AGAP3: variants seen among roughly 807,000 people sequenced by gnomAD.
AGAP3 encodes arf-GAP with GTPase, ANK repeat and PH domain-containing protein 3.
A neutral mutation model predicts 96.9 loss-of-function variants in AGAP3; 24 were observed. The ratio of observed to expected loss-of-function variants is 0.25; its 90% CI spans 0.18 to 0.35. AGAP3 has a LOEUF of 0.35. AGAP3 is among the 10% of genes least tolerant of loss of function. AGAP3 has a pLI of 1.00. For synonymous variants in AGAP3, 563 were observed against 536.1 expected, an observed-to-expected ratio of 1.05 and a Z score of -0.69; for missense variants, 876 against 1,254.2, an observed-to-expected ratio of 0.70 and a Z score of 4.55.
At chr7:151,102,847 C>G (rs1798889569) in intron 1 of AGAP3, among the ~76,000 whole-genome samples, 1 of 152,170 alleles carries the variant, frequency 6.6e-6, no homozygotes, top group Non-Finnish European at 1.5e-5. Flanking sequence ...AACTCCTGGG[C>G]TCAAGCAATC....
chr7:151,123,886 G>C lies in AGAP3; in HGVS notation c.1221G>C (p.Gln407His). ...IGSGRAIPIK[Q>H]GILLKRSGKS... Reference sequence around the variant, plus strand: ...GCGGCCGCGCCATCCCCATCAAGCAGGTCAGCGCCTCCCTTCCCGTGTGCT... The same window carrying C: ...GCGGCCGCGCCATCCCCATCAAGCACGTCAGCGCCTCCCTTCCCGTGTGCT... Residue 407 changes from glutamine (Q) to histidine (H), a missense_variant and splice_region_variant, in exon 9 of 18, where the codon CAG becomes CAC. Transcript: ENST00000397238. The C allele has an allele frequency of 6.2e-7, 1 of 1,605,984 alleles. No individual in the cohort carries two copies. Among genetic ancestry groups the C allele is most frequent in the Non-Finnish European group, 8.5e-7 (1 of 1,179,722 alleles).
In AGAP3 at chr7:151,141,810, C is replaced by A; in HGVS notation, c.1805-88C>A. ...TAGGGGAGGACACTTGCCAGTGGAG[C>A]AGGGTAGTGAGTGGAGTTGTGGCGA... is the stretch of plus-strand genomic sequence containing the variant. On this transcript the variant is annotated intron_variant, in intron 13 of 17. Transcript: ENST00000397238. This position sits in a 1 kb window ranked among gnomAD's most constrained non-coding sequence, Gnocchi z 4.2. The A allele has an allele frequency of 6.4e-7, 1 of 1,552,994 alleles. No individual in the cohort carries two copies. Among genetic ancestry groups the A allele is most frequent in the Admixed American group, 1.7e-5 (1 of 59,572 alleles).
chr7:151,124,373 C>G (rs1024545974), intron 9 of AGAP3, among the ~76,000 whole-genome samples: 10 of 152,210 alleles, frequency 6.6e-5, no homozygotes, highest in Non-Finnish European at 2.9e-5. Context: ...CTAGTCAGTC[C>G]TGGGGGCCCT....
At chr7:151,129,092 G>T (rs977202820) in intron 10 of AGAP3, among the ~76,000 whole-genome samples, 2 of 152,140 alleles carry the variant, frequency 1.3e-5, no homozygotes, top group African/African-American at 4.8e-5. Flanking sequence ...AGTCCTCCTG[G>T]GAGGAGAGCG....
rs943343524 is a variant in AGAP3, at chr7:151,140,354, C to T, written c.1804+238C>T. 5.2e-6 allele frequency: 2 copies of T among 387,774 alleles called. No homozygotes were observed. Among genetic ancestry groups the T allele is most frequent in the Non-Finnish European group, 8.8e-6 (2 of 226,888 alleles). The allele number at this position is 387,774 out of a possible 1,614,324, so 24.0% of individuals were successfully genotyped here. On this transcript the variant is annotated intron_variant, in intron 13 of 17. Coordinates refer to ENST00000397238, the MANE Select transcript of AGAP3 (RefSeq NM_031946.7). The surrounding 1 kb of genome is among the most constrained non-coding windows in gnomAD (Gnocchi z 5.4). ...GAAATGTGGGCTTACTTCATTTATT[C>T]TTAAGGTAAAAGACAGCAGACTGCT...
chr7:151,123,490 G>GC (rs1033167252), intron 8 of AGAP3: 86 of 1,194,512 alleles, frequency 7.2e-5, no homozygotes, highest in Non-Finnish European at 8.7e-5. Flanking sequence ...CCACCTCCTC[G>GC]CCCCCGCTTC....
In AGAP3 at chr7:151,143,058, C is replaced by G. The variant is rs1800881820; in HGVS notation, c.2274-283C>G. Among the ~76,000 whole-genome samples, 1 of 152,340 alleles carries G rather than the reference C, an allele frequency of 6.6e-6. No homozygotes were observed. The highest frequency in any genetic ancestry group is 6.5e-5 in the Admixed American group (1 of 15,310). ...GCTGCAACACGGGCCTGCCTGGAAT[C>G]TTCCTGCCCTCTCAGCCCCCGCATC... On this transcript the variant is annotated intron_variant, in intron 16 of 17. Coordinates refer to ENST00000397238, the MANE Select transcript of AGAP3 (RefSeq NM_031946.7). The surrounding 1 kb of genome is among the most constrained non-coding windows in gnomAD (Gnocchi z 5.9).
chr7:151,088,890 C>T (rs753539808), intron 1 of AGAP3, among the ~76,000 whole-genome samples: 3 of 152,202 alleles, frequency 2.0e-5, no homozygotes, highest in Non-Finnish European at 4.4e-5. Flanking sequence ...TTCTCCATTG[C>T]GGTTTGGAAA....
At position 151,114,712 on chromosome 7, in the gene AGAP3, C is replaced by A; in HGVS notation, c.332-2081C>A. ...CCGTGCGCCCCGGCCGCGGCCCCGG[C>A]CCGGGCCCAGCCCCGTGCCCCTCGC... On this transcript the variant is annotated intron_variant, in intron 1 of 17. Coordinates refer to ENST00000397238, the MANE Select transcript of AGAP3 (RefSeq NM_031946.7). This position sits in a 1 kb window ranked among gnomAD's most constrained non-coding sequence, Gnocchi z 4.4. 1 of 1,000,036 alleles carries A rather than the reference C, an allele frequency of 1.0e-6. No homozygotes were observed. 61.9% of individuals were successfully genotyped at this position (1,000,036 alleles called of 1,614,324 possible).
In AGAP3 at chr7:151,141,411, C is replaced by T. The variant is rs1584792622; in HGVS notation, c.1805-487C>T. 5.7e-6 allele frequency: 1 copy of T among 176,222 alleles called. No individual in the cohort carries two copies. Among genetic ancestry groups the T allele is most frequent in the Admixed American group, 5.7e-5 (1 of 17,654 alleles). The allele number at this position is 176,222 out of a possible 1,614,324, so 10.9% of individuals were successfully genotyped here. On this transcript the variant is annotated intron_variant, in intron 13 of 17. Coordinates refer to ENST00000397238, the MANE Select transcript of AGAP3 (RefSeq NM_031946.7). The surrounding 1 kb of genome is among the most constrained non-coding windows in gnomAD (Gnocchi z 4.2). Reference sequence around the variant, plus strand: ...TGGTAGTGGGGGAGGGGCCCAGCTCCCAGGAGCCCCACGCTGACGCCGTCA... The same window carrying T: ...TGGTAGTGGGGGAGGGGCCCAGCTCTCAGGAGCCCCACGCTGACGCCGTCA...
chr7:151,122,806 A>G (rs767290027), intron 8 of AGAP3: 6 of 1,613,678 alleles, frequency 3.7e-6, no homozygotes, highest in Non-Finnish European at 4.2e-6. Flanking sequence ...TTGGTGACAC[A>G]CAGCACCTCT....
Position 151,140,084 on chromosome 7 carries a change from C to T in AGAP3, c.1772C>T (p.Pro591Leu). 1.2e-6 allele frequency: 2 copies of T among 1,604,048 alleles called. No homozygotes were observed. Among genetic ancestry groups the T allele is most frequent in the South Asian group, 1.1e-5 (1 of 89,110 alleles). The change falls in exon 13 of 18, where the codon CCC (proline) becomes CTC (leucine). Residue 591 changes from proline to leucine, a missense_variant. Coordinates refer to ENST00000397238, the MANE Select transcript of AGAP3 (RefSeq NM_031946.7). The surrounding 1 kb of genome is among the most constrained non-coding windows in gnomAD (Gnocchi z 5.4). ...CGGAGGAAAAAGAGCACCGGGACCC[C>T]CCGACCAGACGGCCCCAGCAGTGCT... ...KHRRKKSTGTPRPDGPSSATE... is the reference protein window; with the variant it reads ...KHRRKKSTGTLRPDGPSSATE...
intron 11 of AGAP3, chr7:151,136,562 G>C (rs1800604034): frequency 6.6e-6 from 1 of 152,222 alleles, no homozygotes. Flanking sequence ...ATCCTCCGAG[G>C]ACTAATTGAT....
chr7:151,119,969 A>C lies in AGAP3; in HGVS notation c.970-18A>C. ...CCCCTGACCCGGAGCTGCCCTCAGC[A>C]GCCCTCTTTGTCCTTAGGCCACGAA... On this transcript the variant is annotated intron_variant, in intron 7 of 17. Transcript: ENST00000397238. 1 of 1,612,822 alleles carries C rather than the reference A, an allele frequency of 6.2e-7. No homozygotes were observed. The highest frequency in any genetic ancestry group is 8.5e-7 in the Non-Finnish European group (1 of 1,179,742).
intron 9 of AGAP3, among the ~76,000 whole-genome samples, chr7:151,124,247 G>A (rs1659053850): frequency 6.6e-6 from 1 of 152,224 alleles, no homozygotes; most frequent in Non-Finnish European, 1.5e-5. Context: ...CTGCGTGGAA[G>A]GGGATACTGA....
intron 1 of AGAP3, chr7:151,115,617 C>A: frequency 8.6e-7 from 1 of 1,168,064 alleles, no homozygotes; most frequent in South Asian, 4.2e-5. Flanking sequence ...GGCTGCGGCC[C>A]CGGAGCTCCT....
intron 8 of AGAP3, 137 bp downstream of exon 8, chr7:151,120,282 A>G: frequency 2.1e-6 from 2 of 937,672 alleles, no homozygotes. Flanking sequence ...TCAGATACAC[A>G]CGGCTCCCGA....
At position 151,114,779 on chromosome 7, in the gene AGAP3, G is replaced by A; in HGVS notation, c.332-2014G>A. The A allele has an allele frequency of 9.7e-7, 1 of 1,032,926 alleles. No homozygotes were observed. Among genetic ancestry groups the A allele is most frequent in the South Asian group, 4.0e-5 (1 of 24,784 alleles). 64.0% of individuals were successfully genotyped at this position (1,032,926 alleles called of 1,614,324 possible). A position where few individuals can be genotyped will look rare whatever the true frequency, so the allele number is the denominator to read the frequency against. On this transcript the variant is annotated intron_variant, in intron 1 of 17. Transcript: ENST00000397238. The surrounding 1 kb of genome is among the most constrained non-coding windows in gnomAD (Gnocchi z 4.4). ...GCCCGCCGGCCCTGAGCATGGAGCG[G>A]GGCTGGCCGCAGGGGGACAGCTGTC...
At chr7:151,121,340 G>GT (rs1372063068) in intron 8 of AGAP3, among the ~76,000 whole-genome samples, 4 of 151,040 alleles carry the variant, frequency 2.6e-5, no homozygotes, top group African/African-American at 9.9e-5. Flanking sequence ...ACATTAGAGC[G>GT]TGGGGGGGGC....
Sources: allele counts gnomAD v4.1 joint callset (sites outside exome capture counted in the v4.1 genomes callset), GRCh38; gene constraint gnomAD v4.1.1; non-coding constraint Gnocchi (gnomAD v3.1); transcripts MANE v1.5; gene names NCBI Gene and HGNC (gene_info 2026-07-23, HGNC 2026-07-21).